Variants in MAP4 observed in about 807,000 individuals in gnomAD.
MAP4 encodes microtubule-associated protein 4.
Under a neutral mutation model 170.2 loss-of-function variants are expected in MAP4, and 76 were observed. That is an observed-to-expected ratio of 0.45 (90% CI 0.37 to 0.54). The LOEUF (loss-of-function observed/expected upper bound fraction) is 0.54, where lower values mean the gene tolerates loss of function less well. Ranked by LOEUF, MAP4 falls within the 20% of genes least tolerant of loss-of-function variation. The pLI, the probability that MAP4 is intolerant of heterozygous loss-of-function variation, is 0.00. For missense variants in MAP4, 2,506 were observed against 2,748.0 expected (o/e 0.91, Z 1.97); for synonymous variants, 909 against 994.5 (o/e 0.91, Z 1.62).
In MAP4 at chr3:47,854,950, G is replaced by A. The variant is rs906946885; in HGVS notation, c.6696+298C>T. ...CCCCGCTCGCCTGGGGGTGGTCTGTGTCCCAGTCCGTGGCCTTCTCAAATG... is the reference window on the plus strand; with the variant it reads ...CCCCGCTCGCCTGGGGGTGGTCTGTATCCCAGTCCGTGGCCTTCTCAAATG... On this transcript the variant is annotated intron_variant, in intron 19 of 20. Coordinates refer to ENST00000683076, the MANE Select transcript of MAP4 (RefSeq NM_001385682.1). Among the ~76,000 whole-genome samples, 74 of 152,320 alleles carry A rather than the reference G, an allele frequency of 4.9e-4. 1 individual carries two copies. Among genetic ancestry groups the A allele is most frequent in the Non-Finnish European group, 1.0e-4 (7 of 68,028 alleles).
chr3:47,955,894 T>C (rs939311000), intron 3 of MAP4, among the ~76,000 whole-genome samples: 2 of 152,158 alleles, frequency 1.3e-5, no homozygotes, highest in Non-Finnish European at 2.9e-5. Context: ...CCATGGCAAA[T>C]AGGGATGCTG....
In MAP4 at chr3:47,916,654, A is replaced by T; in HGVS notation, c.1173T>A (p.Ala391=). ...ERASPIKMDL[A]PSKDMGPPKE... Reference sequence around the variant, plus strand: ...TGGGTGGTCCCATGTCCTTGGAAGGAGCCAAGTCCATTTTTATAGGAGATG... The same window carrying T: ...TGGGTGGTCCCATGTCCTTGGAAGGTGCCAAGTCCATTTTTATAGGAGATG... Residue 391 remains alanine, a synonymous_variant, in exon 7 of 21, where the codon GCT becomes GCA. Coordinates refer to ENST00000683076, the MANE Select transcript of MAP4 (RefSeq NM_001385682.1). 1 of 1,613,786 alleles carries T rather than the reference A, an allele frequency of 6.2e-7. No individual in the cohort carries two copies. Among genetic ancestry groups the T allele is most frequent in the Non-Finnish European group, 8.5e-7 (1 of 1,179,926 alleles).
At chr3:47,927,487 GTT>G (rs1437793519) in intron 4 of MAP4, among the ~76,000 whole-genome samples, 1 of 151,922 alleles carries the variant, frequency 6.6e-6, no homozygotes, top group East Asian at 1.9e-4. Flanking sequence ...TTGTTTGTTT[GTT>G]TTTGAGATGG....
At chr3:47,866,132 T>C (rs1340355834) in intron 17 of MAP4, among the ~76,000 whole-genome samples, 1 of 151,238 alleles carries the variant, frequency 6.6e-6, no homozygotes, top group East Asian at 1.9e-4. Context: ...AGGTCAGGAG[T>C]TCAAGGCCAG....
In MAP4 at chr3:47,996,042, T is replaced by C. The variant is rs76337122; in HGVS notation, c.223+2596A>G. Among the ~76,000 whole-genome samples, 817 of 152,196 alleles carry C rather than the reference T, an allele frequency of 5.4e-3. 7 individuals are homozygous for C. Among genetic ancestry groups the C allele is most frequent in the African/African-American group, 0.015 (615 of 41,532 alleles). Reference sequence around the variant, plus strand: ...GTCTGCCGCATGCTCACAGGAAAGATTGGAAGCAGGGTGAGGGACCAGACA... The same window carrying C: ...GTCTGCCGCATGCTCACAGGAAAGACTGGAAGCAGGGTGAGGGACCAGACA... On this transcript the variant is annotated intron_variant, in intron 2 of 20. Transcript: ENST00000683076.
intron 1 of MAP4, among the ~76,000 whole-genome samples, chr3:48,085,470 A>G (rs1217392541): frequency 6.6e-6 from 1 of 152,238 alleles, no homozygotes; most frequent in African/African-American, 2.4e-5. Flanking sequence ...GTAAATTTGA[A>G]AATTTTAACA....
chr3:47,863,823 C>G (rs1482423296), intron 17 of MAP4, among the ~76,000 whole-genome samples: 1 of 151,706 alleles, frequency 6.6e-6, no homozygotes, highest in Non-Finnish European at 1.5e-5. Context: ...GTCTGTCTGT[C>G]TGTCGGGGGC....
intron 3 of MAP4, chr3:47,975,288 C>A (rs1343385294): frequency 6.7e-6 from 10 of 1,482,020 alleles, no homozygotes; most frequent in Non-Finnish European, 3.6e-6. Flanking sequence ...AGGTTGTTTG[C>A]TCAGGCATCA....
At chr3:47,937,653 CTTCTTT>C (rs1428749563) in intron 3 of MAP4, among the ~76,000 whole-genome samples, 4 of 131,864 alleles carry the variant, frequency 3.0e-5, no homozygotes, top group African/African-American at 1.1e-4. Flanking sequence ...CCTTTTTCTT[CTTCTTT>C]TTTTTTTTTT....
intron 9 of MAP4, among the ~76,000 whole-genome samples, chr3:47,908,674 A>C (rs1487824166): frequency 6.6e-6 from 1 of 152,192 alleles, no homozygotes; most frequent in East Asian, 1.9e-4. Context: ...TCCTTATACC[A>C]AGTAATGATT....
intron 2 of MAP4, among the ~76,000 whole-genome samples, chr3:47,993,620 T>A (rs1401692560): frequency 6.6e-6 from 1 of 152,200 alleles, no homozygotes; most frequent in Non-Finnish European, 1.5e-5. Flanking sequence ...ACAAGTGGGA[T>A]CAAGATCCTG....
At chr3:47,894,258 A>G (rs928487691) in intron 10 of MAP4, among the ~76,000 whole-genome samples, 7 of 152,218 alleles carry the variant, frequency 4.6e-5, no homozygotes, top group Admixed American at 3.3e-4. Flanking sequence ...GAAGAATGCC[A>G]GGAGAATCAT....
chr3:47,918,804 C>A lies in MAP4; in HGVS notation c.567G>T (p.Gly189=), dbSNP rs2100041131. 1 of 1,613,120 alleles carries A rather than the reference C, an allele frequency of 6.2e-7. No individual in the cohort carries two copies. Among genetic ancestry groups the A allele is most frequent in the Non-Finnish European group, 8.5e-7 (1 of 1,179,176 alleles). ...SPCNTAVVPQ[G]WSVEALNSPH... is the part of the protein sequence containing the mutation. Reference sequence around the variant, plus strand: ...GAGAGTTTAAGGCTTCCACAGACCACCCCTGAGGTACAACAGCTGTGTTGC... The same window carrying A: ...GAGAGTTTAAGGCTTCCACAGACCAACCCTGAGGTACAACAGCTGTGTTGC... The change falls in exon 6 of 21, where the codon GGG becomes GGT. Residue 189 remains glycine, a synonymous_variant. Transcript: ENST00000683076.
At chr3:47,862,998 C>T (rs1446136130) in intron 17 of MAP4, among the ~76,000 whole-genome samples, 2 of 146,534 alleles carry the variant, frequency 1.4e-5, no homozygotes, top group Admixed American at 6.9e-5. Flanking sequence ...TTTTTTGAGA[C>T]GGAGTTTCGC....
intron 3 of MAP4, among the ~76,000 whole-genome samples, chr3:47,966,961 G>A (rs959123725): frequency 6.6e-6 from 1 of 152,142 alleles, no homozygotes; most frequent in Non-Finnish European, 1.5e-5. Flanking sequence ...TATTCAGGAG[G>A]GCTCCTTGAG....
At chr3:48,009,863 A>G (rs2100104353) in intron 1 of MAP4, among the ~76,000 whole-genome samples, 1 of 152,130 alleles carries the variant, frequency 6.6e-6, no homozygotes, top group African/African-American at 2.4e-5. Flanking sequence ...TGCCACCAGG[A>G]GACACAACAA....
intron 3 of MAP4, among the ~76,000 whole-genome samples, chr3:47,942,633 G>A (rs1289597445): frequency 6.6e-6 from 1 of 152,100 alleles, no homozygotes; most frequent in Admixed American, 6.6e-5. Flanking sequence ...TGTTGACATT[G>A]TAAGTAACAC....
chr3:47,859,902 G>A (rs1349855788), intron 17 of MAP4, among the ~76,000 whole-genome samples: 3 of 152,216 alleles, frequency 2.0e-5, no homozygotes, highest in Admixed American at 6.5e-5. Flanking sequence ...TGACACCACT[G>A]TAAGTGCTTT....
Position 47,911,426 on chromosome 3 carries a change from G to A in MAP4, c.2995C>T (p.Gln999Ter). ...GGAAACTCCTTCAGTTTGACATTCT[G>A]CAGTTTAGTCATTTTACTTTCATTA... is the stretch of plus-strand genomic sequence containing the variant. Reference protein sequence around the residue: ...GNNESKMTKLQNVKLKEFPEG... With the variant: ...GNNESKMTKL Residue 999 changes from glutamine to a stop codon, truncating the protein, a stop_gained, in exon 9 of 21, where the codon CAG becomes TAG. Coordinates refer to ENST00000683076, the MANE Select transcript of MAP4 (RefSeq NM_001385682.1). LOFTEE classifies it high-confidence loss of function. This position sits in a 1 kb window ranked among gnomAD's most constrained non-coding sequence, Gnocchi z 4.0. 2.6e-6 allele frequency: 4 copies of A among 1,536,044 alleles called. No individual in the cohort carries two copies. The highest frequency in any genetic ancestry group is 3.5e-6 in the Non-Finnish European group (4 of 1,146,880).
Sources: gnomAD v4.1 joint callset for allele counts (sites outside exome capture counted in the v4.1 genomes callset) on GRCh38, gnomAD v4.1.1 for gene constraint, Gnocchi (gnomAD v3.1) non-coding constraint, MANE v1.5 for transcripts, NCBI Gene and HGNC (gene_info 2026-07-23, HGNC 2026-07-21) for gene names.